Variants in CRYZL1 observed in about 807,000 individuals in gnomAD.
CRYZL1 encodes the protein crystallin zeta like 1.
A neutral mutation model predicts 50.6 loss-of-function variants in CRYZL1; 34 were observed. The observed-to-expected ratio is 0.67, with a 90% CI of 0.51 to 0.89. The LOEUF (loss-of-function observed/expected upper bound fraction) is 0.89. CRYZL1 is among the 40% of genes least tolerant of loss of function. CRYZL1 has a pLI of 0.00. For synonymous variants in CRYZL1, 125 were observed against 134.3 expected (o/e 0.93, Z 0.48); for missense variants, 354 against 402.3 (o/e 0.88, Z 1.03).
intron 2 of CRYZL1, among the ~76,000 whole-genome samples, chr21:33,626,238 C>T (rs1353061077): frequency 2.0e-5 from 3 of 151,970 alleles, no homozygotes; most frequent in South Asian, 2.1e-4. Flanking sequence ...GGATTGCAGG[C>T]GTAAGCCACT....
At chr21:33,593,328 A>T (rs1486136430) in intron 11 of CRYZL1, among the ~76,000 whole-genome samples, 2 of 151,974 alleles carry the variant, frequency 1.3e-5, no homozygotes, top group African/African-American at 2.4e-5. Flanking sequence ...GGATGGTCTC[A>T]ATCTCCTGAC....
chr21:33,598,492 G>A (rs1178468105), intron 9 of CRYZL1, among the ~76,000 whole-genome samples: 1 of 152,150 alleles, frequency 6.6e-6, no homozygotes, highest in Non-Finnish European at 1.5e-5. Flanking sequence ...AATAAATACT[G>A]GTTAAACTAA....
intron 1 of CRYZL1, chr21:33,641,066 G>A (rs2087306221): frequency 1.3e-6 from 2 of 1,489,030 alleles, no homozygotes; most frequent in Admixed American, 4.7e-5. Context: ...ATTTGTACTG[G>A]ACAGAGTTCA....
intron 2 of CRYZL1, among the ~76,000 whole-genome samples, chr21:33,626,902 C>A (rs2087072454): frequency 6.6e-6 from 1 of 152,108 alleles, no homozygotes; most frequent in South Asian, 2.1e-4. Context: ...CTTACATAGC[C>A]CCTCCTGTGA....
At chr21:33,600,873 C>T (rs915839972) in intron 8 of CRYZL1, among the ~76,000 whole-genome samples, 16 of 148,894 alleles carry the variant, frequency 1.1e-4, no homozygotes, top group Admixed American at 2.7e-4. Context: ...ATGATCTGCC[C>T]GCCTTGGCCT....
Position 33,603,468 on chromosome 21 carries a change from G to T in CRYZL1, c.401C>A (p.Thr134Lys). The change falls in exon 7 of 13, where the codon ACA (threonine) becomes AAA (lysine). Residue 134 changes from threonine (T) to lysine (K), a missense_variant. Coordinates refer to ENST00000381554, the MANE Select transcript of CRYZL1 (RefSeq NM_145858.3). ...GSIRDGVRAY[T>K]ALHYLSHLSP... is the part of the protein sequence containing the mutation. ...GAGATGAGAAAGATAATGCAGAGCT[G>T]TATAGGCACGCACTCCATCCCGAAT... The T allele has an allele frequency of 6.2e-7, 1 of 1,614,166 alleles. No individual in the cohort carries two copies. Among genetic ancestry groups the T allele is most frequent in the Non-Finnish European group, 8.5e-7 (1 of 1,180,030 alleles).
chr21:33,604,091 G>A (rs528389817), intron 6 of CRYZL1, among the ~76,000 whole-genome samples: 139 of 152,068 alleles, frequency 9.1e-4, no homozygotes, highest in Middle Eastern at 3.4e-3. Context: ...TCTCTGGCCG[G>A]GCGTGGTGGC....
At chr21:33,608,253 G>A (rs1347238779) in intron 6 of CRYZL1, among the ~76,000 whole-genome samples, 2 of 152,136 alleles carry the variant, frequency 1.3e-5, no homozygotes, top group East Asian at 1.9e-4. Flanking sequence ...TCAGGAGTTC[G>A]AGACGGGCCT....
chr21:33,592,953 G>C (rs1482864657), intron 11 of CRYZL1, among the ~76,000 whole-genome samples: 1 of 151,620 alleles, frequency 6.6e-6, no homozygotes, highest in African/African-American at 2.4e-5. Context: ...TTGGGAGGCT[G>C]AGACAGGAGA....
intron 6 of CRYZL1, among the ~76,000 whole-genome samples, chr21:33,606,059 C>T (rs1334713705): frequency 1.3e-5 from 2 of 152,048 alleles, no homozygotes; most frequent in Admixed American, 6.5e-5. Context: ...ATATTAAGCA[C>T]CAGGTGATAG....
chr21:33,640,103 G>A (rs2145970661), intron 1 of CRYZL1: 1 of 1,536,386 alleles, frequency 6.5e-7, no homozygotes, highest in East Asian at 2.5e-5. Context: ...TGGGATTACA[G>A]GCGTGAGCCA....
intron 1 of CRYZL1, among the ~76,000 whole-genome samples, chr21:33,637,760 C>CATATATATATATAT (rs10536195): frequency 6.4e-4 from 84 of 131,700 alleles, no homozygotes; most frequent in Admixed American, 1.7e-3. Context: ...AAGAGAAAAA[C>CATATATATATATAT]ATATATATAT....
chr21:33,629,483 G>C (rs1181377194), intron 2 of CRYZL1, among the ~76,000 whole-genome samples: 1 of 152,150 alleles, frequency 6.6e-6, no homozygotes, highest in Non-Finnish European at 1.5e-5. Context: ...GGCTGGTCTT[G>C]AACTCTTGAG....
At chr21:33,607,821 A>G (rs1159149424) in intron 6 of CRYZL1, among the ~76,000 whole-genome samples, 1 of 152,216 alleles carries the variant, frequency 6.6e-6, no homozygotes, top group Admixed American at 6.5e-5. Flanking sequence ...GAGCTACAAC[A>G]GAGATTACAG....
At chr21:33,618,705 G>A (rs981575293) in intron 4 of CRYZL1, among the ~76,000 whole-genome samples, 6 of 151,938 alleles carry the variant, frequency 3.9e-5, no homozygotes, top group Non-Finnish European at 5.9e-5. Flanking sequence ...TTCTTCTTTG[G>A]CTCCCTCCTG....
At chr21:33,596,846 C>G (rs3761350) in intron 10 of CRYZL1, among the ~76,000 whole-genome samples, 3 of 150,650 alleles carry the variant, frequency 2.0e-5, no homozygotes, top group Non-Finnish European at 3.0e-5. Flanking sequence ...AGCTAAATTT[C>G]TTTATTTTTC....
At chr21:33,597,903 A>C (rs9975902) in intron 9 of CRYZL1, among the ~76,000 whole-genome samples, 132,515 of 152,226 alleles carry the variant, frequency 0.87, 58,101 homozygotes, top group East Asian at 0.99. Context: ...CATGAGCCAC[A>C]GCACCCAGCC....
rs146869444 is a variant in CRYZL1, at chr21:33,637,510, G to A, written c.-7+4171C>T. On this transcript the variant is annotated intron_variant, in intron 1 of 12. Transcript: ENST00000381554. ...ACCTTCACCTCAATGCCTGGGGCTCGGGCTGTGGCGATAGGCTGCCAAATG... is the reference window on the plus strand; with the variant it reads ...ACCTTCACCTCAATGCCTGGGGCTCAGGCTGTGGCGATAGGCTGCCAAATG... 3.4e-3 allele frequency among the ~76,000 whole-genome samples: 519 copies of A among 150,616 alleles called. 7 individuals carry two copies. The highest frequency in any genetic ancestry group is 0.012 in the African/African-American group (492 of 40,980).
chr21:33,615,993 C>T (rs1242124277), intron 5 of CRYZL1, among the ~76,000 whole-genome samples: 1 of 152,146 alleles, frequency 6.6e-6, no homozygotes, highest in African/African-American at 2.4e-5. Context: ...AGGTTAGTTA[C>T]ATATGTATAC....
Sources: gnomAD v4.1 joint callset for allele counts (sites outside exome capture counted in the v4.1 genomes callset) on GRCh38, gnomAD v4.1.1 for gene constraint, MANE v1.5 for transcripts, NCBI Gene and HGNC (gene_info 2026-07-23, HGNC 2026-07-21) for gene names.